Variants in HOMER1 observed in about 807,000 individuals in gnomAD.
HOMER1 encodes homer scaffold protein 1.
In HOMER1, 3 loss-of-function variants were observed where a neutral mutation model predicts 48.9. The observed-to-expected ratio is 0.06, with a 90% CI of 0.03 to 0.16. HOMER1 has a LOEUF of 0.16. Among genes scored for constraint, HOMER1 ranks in the 10% least tolerant of loss-of-function variants. The pLI is 1.00. For missense variants in HOMER1, 247 were observed against 411.4 expected, an observed-to-expected ratio of 0.60 and a Z score of 3.46; for synonymous variants, 134 against 146.4, an observed-to-expected ratio of 0.92 and a Z score of 0.61.
chr5:79,404,100 A>G (rs756356445), intron 5 of HOMER1, among the ~76,000 whole-genome samples: 4 of 152,220 alleles, frequency 2.6e-5, no homozygotes, highest in Admixed American at 6.5e-5. Flanking sequence ...CGTTTTATTT[A>G]AATGGAAACT....
At chr5:79,432,839 A>G (rs1464885926) in intron 5 of HOMER1, among the ~76,000 whole-genome samples, 1 of 139,976 alleles carries the variant, frequency 7.1e-6, no homozygotes, top group Non-Finnish European at 1.6e-5. Context: ...GTTCACAATT[A>G]TAGTAAAAAA....
At position 79,375,988 on chromosome 5, in the gene HOMER1, G is replaced by T. The variant is rs764637421; in HGVS notation, c.*21C>A. 5 of 1,487,054 alleles carry T rather than the reference G, an allele frequency of 3.4e-6. No individual in the cohort carries two copies. Among genetic ancestry groups the T allele is most frequent in the South Asian group, 2.4e-5 (2 of 82,576 alleles). 92.1% of individuals were successfully genotyped at this position (1,487,054 alleles called of 1,614,324 possible). The stretch of plus-strand genomic sequence containing the variant: ...GAGACAGTGTATCTTTTAATTAATT[G>T]GCACTGAAATTTCACTTTCCTTAGC... On this transcript the variant is annotated 3_prime_UTR_variant, in exon 9 of 9. Coordinates refer to ENST00000334082, the MANE Select transcript of HOMER1 (RefSeq NM_004272.5).
intron 1 of HOMER1, among the ~76,000 whole-genome samples, chr5:79,459,464 TG>T (rs1751257841): frequency 6.6e-6 from 1 of 152,200 alleles, no homozygotes; most frequent in South Asian, 2.1e-4. Context: ...TCTGAACAGC[TG>T]GTTTTTTTAA....
chr5:79,505,321 G>T (rs543555540), intron 1 of HOMER1, among the ~76,000 whole-genome samples: 1 of 152,096 alleles, frequency 6.6e-6, no homozygotes, highest in African/African-American at 2.4e-5. Flanking sequence ...GAAAGGGGGG[G>T]AATCATGGAC....
intron 8 of HOMER1, among the ~76,000 whole-genome samples, chr5:79,394,171 A>T (rs994963607): frequency 6.6e-6 from 1 of 152,186 alleles, no homozygotes; most frequent in African/African-American, 2.4e-5. Flanking sequence ...TAATTTACCA[A>T]TAACTATACA....
chr5:79,462,688 C>T (rs1206143232), intron 1 of HOMER1, among the ~76,000 whole-genome samples: 6 of 152,088 alleles, frequency 3.9e-5, no homozygotes, highest in Non-Finnish European at 7.4e-5. Context: ...AAGTTTTGGT[C>T]TAGAAAAAAA....
At chr5:79,388,566 AAATAAGCATTTAAAAACAAGTTTG>A (rs1264909659) in intron 8 of HOMER1, among the ~76,000 whole-genome samples, 7 of 152,178 alleles carry the variant, frequency 4.6e-5, no homozygotes, top group Non-Finnish European at 8.8e-5. Context: ...AAATATTCTC[AAATAAGCATTTAAAAACAAGTTTG>A]AATTATATAT....
rs1752986697 is a variant in HOMER1, at chr5:79,513,099, A to G, written c.-325T>C. 2.7e-6 allele frequency: 1 copy of G among 374,560 alleles called. No individual in the cohort carries two copies. 23.2% of individuals were successfully genotyped at this position (374,560 alleles called of 1,614,324 possible). A position where few individuals can be genotyped will look rare whatever the true frequency, so the allele number is the denominator to read the frequency against. On this transcript the variant is annotated 5_prime_UTR_variant, in exon 1 of 9. Coordinates refer to ENST00000334082, the MANE Select transcript of HOMER1 (RefSeq NM_004272.5). Reference sequence around the variant, plus strand: ...AGAATCCGGCTTCACCGAGTCCTATAAAAAATGAGTTCGCTGGTCATTTCA... The same window carrying G: ...AGAATCCGGCTTCACCGAGTCCTATGAAAAATGAGTTCGCTGGTCATTTCA...
At chr5:79,481,375 A>G (rs1195507863) in intron 1 of HOMER1, among the ~76,000 whole-genome samples, 1 of 151,522 alleles carries the variant, frequency 6.6e-6, no homozygotes, top group East Asian at 2.0e-4. Flanking sequence ...GATCTCTGAG[A>G]GGCAGGAAAC....
intron 1 of HOMER1, among the ~76,000 whole-genome samples, chr5:79,506,622 A>G (rs1264076641): frequency 2.0e-5 from 3 of 152,154 alleles, no homozygotes; most frequent in Non-Finnish European, 4.4e-5. Flanking sequence ...GGATCACTTG[A>G]GTTCAGGAGT....
intron 5 of HOMER1, among the ~76,000 whole-genome samples, chr5:79,421,830 A>C (rs960506766): frequency 6.6e-6 from 1 of 151,628 alleles, no homozygotes; most frequent in African/African-American, 2.4e-5. Context: ...CTGGTCTCAA[A>C]CTCCTGACCT....
chr5:79,397,396 A>G (rs1277460201), intron 7 of HOMER1, 131 bp downstream of exon 7: 3 of 658,050 alleles, frequency 4.6e-6, no homozygotes, highest in Non-Finnish European at 7.9e-6. Flanking sequence ...ACCACTCAAG[A>G]AAAATTTCAT....
intron 8 of HOMER1, among the ~76,000 whole-genome samples, chr5:79,380,622 C>A (rs116199944): frequency 0.023 from 3,565 of 152,298 alleles, 141 homozygotes; most frequent in African/African-American, 0.081. Context: ...CCCGCCCCTA[C>A]CTACCATGGC....
chr5:79,411,765 G>C (rs1165744139), intron 5 of HOMER1, among the ~76,000 whole-genome samples: 1 of 152,086 alleles, frequency 6.6e-6, no homozygotes. Context: ...GTACTTTTTA[G>C]GCATGTTAAT....
intron 1 of HOMER1, among the ~76,000 whole-genome samples, chr5:79,467,411 A>AAAAC: frequency 6.6e-6 from 1 of 151,344 alleles, no homozygotes; most frequent in Non-Finnish European, 1.5e-5. Context: ...AAAAAAAAAA[A>AAAAC]AACTAATGAA....
At chr5:79,454,085 T>C (rs1022954892) in intron 2 of HOMER1, among the ~76,000 whole-genome samples, 1 of 152,224 alleles carries the variant, frequency 6.6e-6, no homozygotes, top group African/African-American at 2.4e-5. Context: ...CAGCAACGTA[T>C]ATTCAGAAAT....
At chr5:79,461,371 C>T (rs1176710109) in intron 1 of HOMER1, among the ~76,000 whole-genome samples, 1 of 152,188 alleles carries the variant, frequency 6.6e-6, no homozygotes, top group Non-Finnish European at 1.5e-5. Context: ...AAAGGTTAGA[C>T]ACTGCTTTCT....
chr5:79,490,347 C>A (rs1752233744), intron 1 of HOMER1, among the ~76,000 whole-genome samples: 1 of 152,054 alleles, frequency 6.6e-6, no homozygotes, highest in African/African-American at 2.4e-5. Flanking sequence ...CAATACCTGA[C>A]CTTAAAGTTT....
chr5:79,446,280 C>A (rs781699628), intron 4 of HOMER1, among the ~76,000 whole-genome samples: 3 of 152,168 alleles, frequency 2.0e-5, no homozygotes, highest in Non-Finnish European at 4.4e-5. Flanking sequence ...ATTATTCAAC[C>A]CAGCCAATCC....
Sources: allele counts gnomAD v4.1 joint callset (sites outside exome capture counted in the v4.1 genomes callset), GRCh38; gene constraint gnomAD v4.1.1; transcripts MANE v1.5; gene names NCBI Gene and HGNC (gene_info 2026-07-23, HGNC 2026-07-21).